CLVS1: variants seen among roughly 807,000 people sequenced by gnomAD.
The protein encoded by CLVS1 is clavesin-1.
CLVS1 carries 10 observed loss-of-function variants against 33.1 expected under a neutral mutation model. The ratio of observed to expected loss-of-function variants is 0.30; its 90% CI spans 0.19 to 0.51. CLVS1 has a LOEUF of 0.51. Ranked by LOEUF, CLVS1 falls within the 20% of genes least tolerant of loss-of-function variation. The pLI, the probability that CLVS1 is intolerant of heterozygous loss-of-function variation, is 0.97. For synonymous variants in CLVS1, 163 were observed against 166.1 expected (o/e 0.98, Z 0.14); for missense variants, 343 against 433.4 (o/e 0.79, Z 1.85).
chr8:61,247,526 T>C (rs1269460533), intron 2 of CLVS1, among the ~76,000 whole-genome samples: 1 of 152,242 alleles, frequency 6.6e-6, no homozygotes, highest in East Asian at 1.9e-4. Context: ...ACTGTGGTTT[T>C]TATTTGCATT....
chr8:61,480,070 T>C (rs1193790423), intron 5 of CLVS1, among the ~76,000 whole-genome samples: 1 of 152,260 alleles, frequency 6.6e-6, no homozygotes, highest in African/African-American at 2.4e-5. Flanking sequence ...TTCTCAGATC[T>C]CAAGCTGTGT....
intron 3 of CLVS1, among the ~76,000 whole-genome samples, chr8:61,392,323 C>T (rs111619204): frequency 0.01 from 1,561 of 151,838 alleles, 22 homozygotes; most frequent in African/African-American, 0.036. Context: ...GAAAGTGAGA[C>T]CCCATCTCAG....
intron 2 of CLVS1, among the ~76,000 whole-genome samples, chr8:61,364,899 C>T (rs974310301): frequency 2.6e-5 from 4 of 152,160 alleles, no homozygotes; most frequent in Non-Finnish European, 5.9e-5. Context: ...AGGTGTGCTT[C>T]CCATGAAAAG....
At chr8:61,008,882 A>G in the CLVS1 span, among the ~76,000 whole-genome samples, 1 of 152,082 alleles carries the variant, frequency 6.6e-6, no homozygotes, top group Non-Finnish European at 1.5e-5. Context: ...GTAAAACAAA[A>G]CTAGTATTTT....
chr8:61,152,471 G>A (rs552978061), intron 2 of CLVS1, among the ~76,000 whole-genome samples: 21 of 152,128 alleles, frequency 1.4e-4, no homozygotes, highest in South Asian at 1.0e-3. Context: ...TCAAGGCTCC[G>A]GTGGGTTCGT....
chr8:61,077,831 G>C (rs183016294), intron 1 of CLVS1, among the ~76,000 whole-genome samples: 1 of 152,186 alleles, frequency 6.6e-6, no homozygotes, highest in Non-Finnish European at 1.5e-5. Flanking sequence ...AGGCCATGCC[G>C]GAGCCATCTG....
At chr8:61,293,268 T>G (rs1397784742) in intron 1 of CLVS1, among the ~76,000 whole-genome samples, 1 of 152,214 alleles carries the variant, frequency 6.6e-6, no homozygotes, top group African/African-American at 2.4e-5. Context: ...CTGCCCCTAG[T>G]ACAGATAGTT....
intron 1 of CLVS1, among the ~76,000 whole-genome samples, chr8:61,083,112 G>A (rs1805054382): frequency 6.6e-6 from 1 of 152,170 alleles, no homozygotes; most frequent in South Asian, 2.1e-4. Flanking sequence ...GGAAAATGTT[G>A]TAAGTAGGAA....
rs145707187 is a variant in CLVS1 at position 61,110,128 on chromosome 8, A to C, written c.-242-21642A>C. 3.0e-3 allele frequency among the ~76,000 whole-genome samples: 456 copies of C among 152,268 alleles called. 2 individuals carry two copies. The highest frequency in any genetic ancestry group is 9.6e-3 in the African/African-American group (400 of 41,546). Reference sequence around the variant, plus strand: ...CCCCCTTCTATTGAGGCCTTGGCTGAATCGGAGCTGTCTCACTTGGGAAAT... The same window carrying C: ...CCCCCTTCTATTGAGGCCTTGGCTGCATCGGAGCTGTCTCACTTGGGAAAT... On this transcript the variant is annotated intron_variant, in intron 1 of 2. Transcript: ENST00000522621.
rs368643519 is a variant in CLVS1, at chr8:61,458,390, T to C, written c.825T>C (p.Leu275=). 267 of 1,614,130 alleles carry C rather than the reference T, an allele frequency of 1.7e-4. 2 individuals carry two copies. In the South Asian group the frequency reaches 2.7e-3, roughly 16 times the overall value. Residue 275 remains leucine, a synonymous_variant, in exon 5 of 6, where the codon CTT becomes CTC. Coordinates refer to ENST00000325897, the MANE Select transcript of CLVS1 (RefSeq NM_173519.3). ...EFLPSEFGGT[L]PPYDMGTWAR... ...TGCCCTCTGAATTTGGAGGAACTCTTCCTCCTTATGACATGGGAACTTGGG... is the reference window on the plus strand; with the variant it reads ...TGCCCTCTGAATTTGGAGGAACTCTCCCTCCTTATGACATGGGAACTTGGG...
chr8:61,337,086 C>G (rs1811833932), intron 2 of CLVS1, among the ~76,000 whole-genome samples: 1 of 152,126 alleles, frequency 6.6e-6, no homozygotes, highest in Non-Finnish European at 1.5e-5. Flanking sequence ...CAAAGATGAT[C>G]AATTGCATCA....
intron 2 of CLVS1, among the ~76,000 whole-genome samples, chr8:61,323,866 T>G (rs1207362448): frequency 6.6e-6 from 1 of 152,126 alleles, no homozygotes; most frequent in Non-Finnish European, 1.5e-5. Context: ...GTCTATAAGC[T>G]CCCACTTATA....
chr8:61,062,591 A>G (rs1156924475), intron 1 of CLVS1, among the ~76,000 whole-genome samples: 1 of 152,124 alleles, frequency 6.6e-6, no homozygotes, highest in Non-Finnish European at 1.5e-5. Flanking sequence ...TTATTTTCTG[A>G]GAGGACTATG....
chr8:61,016,352 G>A, the CLVS1 span, among the ~76,000 whole-genome samples: 2 of 152,232 alleles, frequency 1.3e-5, no homozygotes, highest in African/African-American at 4.8e-5. Flanking sequence ...GACCCAAAGT[G>A]TCTTATGGGT....
intron 1 of CLVS1, among the ~76,000 whole-genome samples, chr8:61,092,065 C>T (rs1379083884): frequency 1.3e-5 from 2 of 152,170 alleles, no homozygotes; most frequent in Non-Finnish European, 2.9e-5. Context: ...CTCATTTACA[C>T]TTAATGTATG....
chr8:61,256,296 C>T (rs946451074), intron 2 of CLVS1, among the ~76,000 whole-genome samples: 20 of 152,176 alleles, frequency 1.3e-4, no homozygotes, highest in African/African-American at 4.3e-4. Context: ...GGGCAGATCA[C>T]GATGTCAGGA....
intron 5 of CLVS1, among the ~76,000 whole-genome samples, chr8:61,480,204 G>A (rs1439477546): frequency 6.6e-6 from 1 of 152,246 alleles, no homozygotes; most frequent in East Asian, 1.9e-4. Context: ...AGGCAGGCAG[G>A]CCTCCTTGAG....
At chr8:61,059,449 TAC>T (rs535434469) in intron 1 of CLVS1, among the ~76,000 whole-genome samples, 2 of 130,438 alleles carry the variant, frequency 1.5e-5, no homozygotes, top group African/African-American at 5.7e-5. Flanking sequence ...TATATATATA[TAC>T]ACACACATAT....
In CLVS1 at chr8:61,305,272, G is replaced by A. The variant is rs115756736; in HGVS notation, c.455+4990G>A. 4.3e-3 allele frequency among the ~76,000 whole-genome samples: 652 copies of A among 151,770 alleles called. 3 individuals carry two copies. Among genetic ancestry groups the A allele is most frequent in the African/African-American group, 9.4e-3 (390 of 41,374 alleles). ...TTTAATATCTTTTCCATTTTTTAGC[G>A]TACAGTTCAGTGGCAGTACCTACGT... On this transcript the variant is annotated intron_variant, in intron 2 of 5. Coordinates refer to ENST00000325897, the MANE Select transcript of CLVS1 (RefSeq NM_173519.3).
Sources: gnomAD v4.1 joint callset for allele counts (sites outside exome capture counted in the v4.1 genomes callset) on GRCh38, gnomAD v4.1.1 for gene constraint, MANE v1.5 for transcripts, NCBI Gene and HGNC (gene_info 2026-07-23, HGNC 2026-07-21) for gene names.